CTNND2: variants seen among roughly 807,000 people sequenced by gnomAD.
CTNND2 encodes the protein catenin delta 2.
CTNND2 carries 22 observed loss-of-function variants against 144.4 expected under a neutral mutation model. That is an observed-to-expected ratio of 0.15 (90% confidence interval 0.11 to 0.22). The LOEUF is 0.22. Ranked by LOEUF, CTNND2 falls within the 10% of genes least tolerant of loss-of-function variation. The pLI, the probability that CTNND2 is intolerant of heterozygous loss-of-function variation, is 1.00. For missense variants in CTNND2, 1,353 were observed against 1,618.8 expected (o/e 0.84, Z 2.82); for synonymous variants, 751 against 695.6 (o/e 1.08, Z -1.25).
chr5:11,242,145 C>T (rs899966388), intron 9 of CTNND2, among the ~76,000 whole-genome samples: 9 of 152,048 alleles, frequency 5.9e-5, no homozygotes, highest in African/African-American at 1.4e-4. Flanking sequence ...AAAAAGAAAT[C>T]GAGTAAGATT....
chr5:11,072,123 T>G (rs1748389407), intron 16 of CTNND2, among the ~76,000 whole-genome samples: 1 of 152,244 alleles, frequency 6.6e-6, no homozygotes, highest in East Asian at 1.9e-4. Context: ...ATTTCATCAC[T>G]ATAACTTTCC....
intron 3 of CTNND2, among the ~76,000 whole-genome samples, chr5:11,518,226 C>T (rs1039067219): frequency 6.6e-6 from 1 of 151,922 alleles, no homozygotes; most frequent in African/African-American, 2.4e-5. Flanking sequence ...AATAGGTGTG[C>T]TTGTGTCTTA....
chr5:11,361,176 A>T (rs1390524289), intron 8 of CTNND2, among the ~76,000 whole-genome samples: 1 of 152,076 alleles, frequency 6.6e-6, no homozygotes, highest in South Asian at 2.1e-4. Context: ...GCCTGCCACC[A>T]TGCCCGGCTA....
chr5:11,256,402 G>A (rs998388116), intron 9 of CTNND2, among the ~76,000 whole-genome samples: 29 of 152,250 alleles, frequency 1.9e-4, no homozygotes, highest in African/African-American at 6.7e-4. Flanking sequence ...GTTGAAACTT[G>A]ACACTTATTT....
At chr5:11,186,188 C>G (rs1289460381) in intron 11 of CTNND2, among the ~76,000 whole-genome samples, 2 of 152,184 alleles carry the variant, frequency 1.3e-5, no homozygotes, top group African/African-American at 4.8e-5. Context: ...CAACTTCAGA[C>G]GGTTCAAGAA....
intron 3 of CTNND2, among the ~76,000 whole-genome samples, chr5:11,540,408 A>G (rs1774617874): frequency 1.3e-5 from 2 of 152,126 alleles, no homozygotes; most frequent in Non-Finnish European, 2.9e-5. Flanking sequence ...TGAGTACTTA[A>G]TCATTTTTTC....
At chr5:11,152,209 C>T (rs1442860327) in intron 12 of CTNND2, among the ~76,000 whole-genome samples, 1 of 152,162 alleles carries the variant, frequency 6.6e-6, no homozygotes, top group Non-Finnish European at 1.5e-5. Flanking sequence ...ATAATGATGA[C>T]CTAAATGCAT....
chr5:11,834,993 GC>G (rs1183382314), intron 1 of CTNND2, among the ~76,000 whole-genome samples: 1 of 152,086 alleles, frequency 6.6e-6, no homozygotes, highest in Non-Finnish European at 1.5e-5. Context: ...ACAAAAATCA[GC>G]CAGGCATGCT....
At chr5:11,885,111 C>A (rs1415692779) in intron 1 of CTNND2, among the ~76,000 whole-genome samples, 1 of 152,166 alleles carries the variant, frequency 6.6e-6, no homozygotes, top group South Asian at 2.1e-4. Flanking sequence ...GAGATAATGG[C>A]CTGTAGTTTT....
intron 2 of CTNND2, among the ~76,000 whole-genome samples, chr5:11,581,320 T>C (rs1165369402): frequency 6.6e-6 from 1 of 152,204 alleles, no homozygotes; most frequent in Non-Finnish European, 1.5e-5. Flanking sequence ...ATCAAACATA[T>C]GCATATTTTC....
intron 16 of CTNND2, among the ~76,000 whole-genome samples, chr5:11,058,413 C>T (rs1250914915): frequency 6.6e-6 from 1 of 152,240 alleles, no homozygotes; most frequent in Non-Finnish European, 1.5e-5. Context: ...TCAGAGGGTG[C>T]AAGCCCCAAG....
intron 2 of CTNND2, among the ~76,000 whole-genome samples, chr5:11,694,629 G>A (rs1261335468): frequency 1.3e-5 from 2 of 152,070 alleles, no homozygotes; most frequent in African/African-American, 4.8e-5. Flanking sequence ...TAATTTGGGG[G>A]TTATAAATGC....
intron 9 of CTNND2, among the ~76,000 whole-genome samples, chr5:11,336,969 T>A (rs1291387490): frequency 6.6e-6 from 1 of 152,100 alleles, no homozygotes; most frequent in Non-Finnish European, 1.5e-5. Context: ...GTCACCTGAA[T>A]TTTTTTGGTT....
intron 1 of CTNND2, among the ~76,000 whole-genome samples, chr5:11,798,528 G>C (rs1791519238): frequency 6.6e-6 from 1 of 152,192 alleles, no homozygotes; most frequent in African/African-American, 2.4e-5. Flanking sequence ...CAGAACTCTG[G>C]GAGGCCAAGG....
chr5:11,035,172 A>C (rs1743933944), intron 16 of CTNND2, among the ~76,000 whole-genome samples: 1 of 151,932 alleles, frequency 6.6e-6, no homozygotes, highest in East Asian at 1.9e-4. Context: ...TCAGTGCTTT[A>C]AAACTAGATA....
intron 1 of CTNND2, among the ~76,000 whole-genome samples, chr5:11,827,869 A>G (rs1223343324): frequency 7.2e-5 from 11 of 152,230 alleles, no homozygotes; most frequent in Non-Finnish European, 1.5e-4. Flanking sequence ...CCAATTGTAT[A>G]TAAGATTTTG....
At chr5:11,381,369 A>G in intron 7 of CTNND2, among the ~76,000 whole-genome samples, 1 of 152,180 alleles carries the variant, frequency 6.6e-6, no homozygotes, top group East Asian at 1.9e-4. Flanking sequence ...CAAAGGCAGC[A>G]TCAAGTTCTC....
intron 1 of CTNND2, among the ~76,000 whole-genome samples, chr5:11,869,901 C>T (rs1382816856): frequency 1.3e-5 from 2 of 152,044 alleles, no homozygotes; most frequent in African/African-American, 4.8e-5. Flanking sequence ...AATAAGGAAG[C>T]AAGAAATATT....
Position 11,395,094 on chromosome 5 carries a change from C to T in CTNND2, c.612+1937G>A, listed in dbSNP as rs576059403. ...CAGAATTTTGAAAAGAAAAGTATCA[C>T]ACCACTCAAATAGAGGGATCTGAAC... is the stretch of plus-strand genomic sequence containing the variant. On this transcript the variant is annotated intron_variant, in intron 6 of 21. Coordinates refer to ENST00000304623, the MANE Select transcript of CTNND2 (RefSeq NM_001332.4). 2.0e-5 allele frequency among the ~76,000 whole-genome samples: 3 copies of T among 152,266 alleles called. No homozygotes were observed. The South Asian group carries it at 6.2e-4, about 32-fold the overall frequency.
Sources: gnomAD v4.1 joint callset for allele counts (sites outside exome capture counted in the v4.1 genomes callset) on GRCh38, gnomAD v4.1.1 for gene constraint, MANE v1.5 for transcripts, NCBI Gene and HGNC (gene_info 2026-07-23, HGNC 2026-07-21) for gene names.